TMEM132B: variants seen among roughly 807,000 people sequenced by gnomAD.
TMEM132B encodes the protein transmembrane protein 132B.
In TMEM132B, 18 loss-of-function variants were observed where a neutral mutation model predicts 90.8. The ratio of observed to expected loss-of-function variants is 0.20; its 90% CI spans 0.14 to 0.29. The LOEUF is 0.29. Among genes scored for constraint, TMEM132B ranks in the 10% least tolerant of loss-of-function variants. The pLI, the probability that TMEM132B is intolerant of heterozygous loss-of-function variation, is 1.00. For synonymous variants in TMEM132B, 504 were observed against 523.3 expected (o/e 0.96, Z 0.50); for missense variants, 1,096 against 1,326.8 (o/e 0.83, Z 2.70).
chr12:125,640,542 A>G (rs1427732529), intron 5 of TMEM132B, among the ~76,000 whole-genome samples: 1 of 152,170 alleles, frequency 6.6e-6, no homozygotes, highest in African/African-American at 2.4e-5. Context: ...AGAAGGAGGC[A>G]GGTCCAGGGC....
intron 5 of TMEM132B, chr12:125,585,331 A>G (rs1885155925): frequency 6.6e-6 from 1 of 152,206 alleles, no homozygotes; most frequent in Admixed American, 6.5e-5. Context: ...TTGATTAAAT[A>G]TATGGCCTTA....
chr12:125,313,900 C>T (rs1210585307), intron 1 of TMEM132B, among the ~76,000 whole-genome samples: 1 of 151,468 alleles, frequency 6.6e-6, no homozygotes, highest in African/African-American at 2.4e-5. Flanking sequence ...TATGACCTAG[C>T]CGGTCCTGTG....
intron 3 of TMEM132B, among the ~76,000 whole-genome samples, chr12:125,514,984 C>A (rs16916460): frequency 0.12 from 18,235 of 152,160 alleles, 1,658 homozygotes; most frequent in Admixed American, 0.29. Flanking sequence ...AGAGAGGAGG[C>A]TTAGCTTTTA....
chr12:125,325,582 T>C lies in TMEM132B; in HGVS notation c.68-23870T>C, dbSNP rs11836923. Among the ~76,000 whole-genome samples the C allele has an allele frequency of 8.4e-3, 1,276 of 152,246 alleles. 10 individuals carry two copies. Among genetic ancestry groups the C allele is most frequent in the African/African-American group, 0.029 (1,193 of 41,546 alleles). On this transcript the variant is annotated intron_variant, in intron 1 of 8. Transcript: ENST00000682704. ...ATTTTTGCGGAGAACTCTGGAAACA[T>C]GGGGCCTCCATTTTTCTGATCTGAA...
intron 1 of TMEM132B, among the ~76,000 whole-genome samples, chr12:125,307,996 T>C (rs1876034253): frequency 7.2e-6 from 1 of 138,602 alleles, no homozygotes; most frequent in Non-Finnish European, 1.5e-5. Context: ...AATATAAATA[T>C]ATATAAGTAA....
At chr12:125,559,887 C>T (rs1339365057) in intron 4 of TMEM132B, among the ~76,000 whole-genome samples, 4 of 152,096 alleles carry the variant, frequency 2.6e-5, no homozygotes, top group Non-Finnish European at 4.4e-5. Flanking sequence ...TCCGAGTCCA[C>T]CTGGAAATTA....
At chr12:125,215,955 G>C (rs180899633) in intron 1 of TMEM132B, among the ~76,000 whole-genome samples, 1 of 152,334 alleles carries the variant, frequency 6.6e-6, no homozygotes, top group African/African-American at 2.4e-5. Context: ...CAGTGTTCTA[G>C]GGATTAGGAC....
At chr12:125,475,532 G>C (rs2136511395) in intron 3 of TMEM132B, among the ~76,000 whole-genome samples, 1 of 152,288 alleles carries the variant, frequency 6.6e-6, no homozygotes, top group Non-Finnish European at 1.5e-5. Context: ...TGCCAGCACA[G>C]CCAGAATATA....
At chr12:125,425,113 G>T (rs1054723830) in intron 3 of TMEM132B, among the ~76,000 whole-genome samples, 3 of 152,158 alleles carry the variant, frequency 2.0e-5, no homozygotes, top group Admixed American at 1.3e-4. Context: ...GCTCAGAGGT[G>T]CCTGACTCAA....
intron 1 of TMEM132B, among the ~76,000 whole-genome samples, chr12:125,212,336 T>TTAAC (rs5801588): frequency 0.78 from 117,562 of 151,518 alleles, 46,075 homozygotes; most frequent in African/African-American, 0.89. Flanking sequence ...TATTAATAAA[T>TTAAC]TAATTAATAT....
rs1163946157 is a variant in TMEM132B at position 125,658,851 on chromosome 12, G to C, written c.*4141G>C. On this transcript the variant is annotated 3_prime_UTR_variant, in exon 9 of 9. Transcript: ENST00000682704. ...GGAATTCTGGCCTAGAAAGGCTGTG[G>C]CTTATGTTGGGATTGATGATGGAAT... 6.6e-6 allele frequency: 1 copy of C among 152,164 alleles called. No homozygotes were observed. The highest frequency in any genetic ancestry group is 1.5e-5 in the Non-Finnish European group (1 of 68,036). 9.4% of individuals were successfully genotyped at this position (152,164 alleles called of 1,614,324 possible).
chr12:125,478,644 C>G (rs1184050052), intron 3 of TMEM132B, among the ~76,000 whole-genome samples: 1 of 152,230 alleles, frequency 6.6e-6, no homozygotes, highest in African/African-American at 2.4e-5. Context: ...ATTCGTGTAT[C>G]TGAAAGTGAC....
chr12:125,422,951 C>T lies in TMEM132B; in HGVS notation c.1106+7274C>T, dbSNP rs183220373. Among the ~76,000 whole-genome samples, 275 of 152,256 alleles carry T rather than the reference C, an allele frequency of 1.8e-3. 2 individuals carry two copies. The highest frequency in any genetic ancestry group is 6.1e-3 in the African/African-American group (253 of 41,536). ...ATAACAGCAGCCCCAGGAAACTAGA[C>T]CAGGGGCGTAAAGAATACCTGTTGA... On this transcript the variant is annotated intron_variant, in intron 3 of 8. Coordinates refer to ENST00000682704, the MANE Select transcript of TMEM132B (RefSeq NM_001366854.1).
intron 4 of TMEM132B, among the ~76,000 whole-genome samples, chr12:125,579,259 C>T (rs1175975488): frequency 2.0e-5 from 3 of 152,056 alleles, no homozygotes; most frequent in Non-Finnish European, 2.9e-5. Flanking sequence ...TTTTCCATTT[C>T]GGCTATTGCA....
intron 5 of TMEM132B, chr12:125,586,718 C>G (rs750905831): frequency 6.6e-6 from 1 of 152,164 alleles, no homozygotes; most frequent in African/African-American, 2.4e-5. Flanking sequence ...TATCACAGTG[C>G]TTGTGTTCAA....
At chr12:125,210,706 G>A (rs1438744234) in intron 1 of TMEM132B, among the ~76,000 whole-genome samples, 6 of 152,220 alleles carry the variant, frequency 3.9e-5, no homozygotes, top group Admixed American at 2.0e-4. Flanking sequence ...GCTCATGCCT[G>A]TAATTCCAGC....
intron 3 of TMEM132B, among the ~76,000 whole-genome samples, chr12:125,474,200 G>A (rs947189453): frequency 3.4e-5 from 5 of 147,718 alleles, no homozygotes; most frequent in African/African-American, 1.3e-4. Flanking sequence ...CTGCCTTCCT[G>A]CCTTCCTTCT....
In TMEM132B at chr12:125,408,129, G is replaced by A. The variant is rs865842136; in HGVS notation, c.960-7402G>A. On this transcript the variant is annotated intron_variant, in intron 2 of 8. Transcript: ENST00000682704. This position sits in a 1 kb window ranked among gnomAD's most constrained non-coding sequence, Gnocchi z 5.9. Reference sequence around the variant, plus strand: ...TTCCACGAACGGAATTGCACAGTGCGCGCTTTTGGTACCTGGCTTCTTCCA... The same window carrying A: ...TTCCACGAACGGAATTGCACAGTGCACGCTTTTGGTACCTGGCTTCTTCCA... 1.3e-5 allele frequency among the ~76,000 whole-genome samples: 2 copies of A among 152,168 alleles called. No homozygotes were observed. Among genetic ancestry groups the A allele is most frequent in the Non-Finnish European group, 1.5e-5 (1 of 68,042 alleles).
At chr12:125,651,402 G>A (rs7974578) in intron 7 of TMEM132B, among the ~76,000 whole-genome samples, 8,427 of 152,168 alleles carry the variant, frequency 0.055, 318 homozygotes, top group Non-Finnish European at 0.07. Flanking sequence ...ATAATAATCC[G>A]TAGCTATTCT....
Sources: gnomAD v4.1 joint callset for allele counts (sites outside exome capture counted in the v4.1 genomes callset) on GRCh38, gnomAD v4.1.1 for gene constraint, Gnocchi (gnomAD v3.1) non-coding constraint, MANE v1.5 for transcripts, NCBI Gene and HGNC (gene_info 2026-07-23, HGNC 2026-07-21) for gene names.